Variants in HTR2C observed in about 807,000 individuals in gnomAD.
HTR2C encodes the protein 5-hydroxytryptamine receptor 2C.
In HTR2C, 5 loss-of-function variants were observed where a neutral mutation model predicts 21.0. The observed-to-expected ratio is 0.24, with a 90% CI of 0.12 to 0.50. The LOEUF (loss-of-function observed/expected upper bound fraction) is 0.50. Ranked by LOEUF, HTR2C falls within the 20% of genes least tolerant of loss-of-function variation. HTR2C has a pLI of 0.98. For missense variants in HTR2C, 271 were observed against 371.2 expected (o/e 0.73, Z 2.22); for synonymous variants, 150 against 145.3 (o/e 1.03, Z -0.23).
intron 4 of HTR2C, among the ~76,000 whole-genome samples, chrX:114,739,176 C>A (rs185043296): frequency 4.5e-5 from 5 of 110,975 alleles, no homozygotes; most frequent in African/African-American, 1.6e-4. Flanking sequence ...CTTTGTCAGA[C>A]AGCTGGCATC....
intron 2 of HTR2C, among the ~76,000 whole-genome samples, chrX:114,685,106 TATC>T (rs1462176616): frequency 2.7e-5 from 3 of 111,603 alleles, no homozygotes; most frequent in Admixed American, 9.6e-5. Flanking sequence ...TTCTAAAGGT[TATC>T]ATCATGTTTA....
At chrX:114,641,043 TCTTTCTTTC>T (rs1421648257) in intron 2 of HTR2C, among the ~76,000 whole-genome samples, 1 of 102,399 alleles carries the variant, frequency 9.8e-6, no homozygotes, top group Non-Finnish European at 1.9e-5. Context: ...TTTCTTTCTT[TCTTTCTTTC>T]TTTTTTTCTT....
In HTR2C at chrX:114,861,665, G is replaced by C. The variant is rs782368180; in HGVS notation, c.550+13462G>C. On this transcript the variant is annotated intron_variant, in intron 5 of 5. Coordinates refer to ENST00000276198, the MANE Select transcript of HTR2C (RefSeq NM_000868.4). Reference sequence around the variant, plus strand: ...CATTTGCCAACACAGGTTATATTTTGATTTTTTATAATAGCTATCCTAACT... The same window carrying C: ...CATTTGCCAACACAGGTTATATTTTCATTTTTTATAATAGCTATCCTAACT... Among the ~76,000 whole-genome samples, 4 of 111,065 alleles carry C rather than the reference G, an allele frequency of 3.6e-5. No individual in the cohort carries two copies. The South Asian group carries it at 1.5e-3, about 42-fold the overall frequency.
chrX:114,806,578 TCATATATATCA>T (rs1394141980), intron 4 of HTR2C, among the ~76,000 whole-genome samples: 1 of 94,008 alleles, frequency 1.1e-5, no homozygotes, highest in African/African-American at 3.8e-5. Context: ...ATCATATATA[TCATATATATCA>T]TATATATCAT....
chrX:114,652,988 C>CGTT (rs1482949194), intron 2 of HTR2C, among the ~76,000 whole-genome samples: 2 of 103,762 alleles, frequency 1.9e-5, no homozygotes, highest in African/African-American at 7.0e-5. Flanking sequence ...ATTATTAAAT[C>CGTT]ATTATTATAA....
In HTR2C at chrX:114,849,553, G is replaced by A. The variant is rs370061593; in HGVS notation, c.550+1350G>A. Among the ~76,000 whole-genome samples the A allele has an allele frequency of 2.7e-5, 3 of 111,830 alleles. No individual in the cohort carries two copies. In the East Asian group the frequency reaches 8.5e-4, roughly 32 times the overall value. On this transcript the variant is annotated intron_variant, in intron 5 of 5. Transcript: ENST00000276198. ...AGGTGGAGACGATCATTTCAGACTC[G>A]CAAGCAATGGAGGACTAGAGTAGGA...
At chrX:114,805,623 T>TATAC (rs781932858) in intron 4 of HTR2C, among the ~76,000 whole-genome samples, 2 of 4,580 alleles carry the variant, frequency 4.4e-4, no homozygotes, top group African/African-American at 1.0e-3. Context: ...ATCATATATA[T>TATAC]ACCATATATA....
intron 4 of HTR2C, among the ~76,000 whole-genome samples, chrX:114,826,066 A>T (rs781897485): frequency 1.5e-4 from 13 of 86,160 alleles, no homozygotes; most frequent in African/African-American, 5.5e-4. Flanking sequence ...ATCTGAAATA[A>T]TCCAAAATCA....
chrX:114,716,458 AT>A (rs1932999459), intron 2 of HTR2C, among the ~76,000 whole-genome samples: 1 of 110,482 alleles, frequency 9.1e-6, no homozygotes, highest in Non-Finnish European at 1.9e-5. Context: ...GGAGAAAAAA[AT>A]TTTTTTTTCC....
intron 2 of HTR2C, among the ~76,000 whole-genome samples, chrX:114,645,777 G>C (rs1297960876): frequency 1.8e-5 from 2 of 111,824 alleles, no homozygotes; most frequent in Non-Finnish European, 3.8e-5. Context: ...TATGAAAAAA[G>C]ATAAGATATG....
At chrX:114,814,532 G>A (rs782640500) in intron 4 of HTR2C, among the ~76,000 whole-genome samples, 1 of 108,937 alleles carries the variant, frequency 9.2e-6, no homozygotes, top group East Asian at 2.9e-4. Flanking sequence ...AAGTCAAAAT[G>A]TGACTTCAGT....
At chrX:114,701,791 C>A (rs1385473543) in intron 2 of HTR2C, among the ~76,000 whole-genome samples, 2 of 111,553 alleles carry the variant, frequency 1.8e-5, no homozygotes, top group African/African-American at 6.5e-5. Context: ...CAAACCAAAG[C>A]AAAGAAGTTA....
intron 4 of HTR2C, among the ~76,000 whole-genome samples, chrX:114,815,831 A>C (rs1457856567): frequency 1.8e-5 from 2 of 111,263 alleles, no homozygotes; most frequent in Non-Finnish European, 3.8e-5. Flanking sequence ...AAGATTAAGA[A>C]TTGCCCCTCC....
chrX:114,725,620 C>T (rs1350272918), intron 2 of HTR2C, among the ~76,000 whole-genome samples: 10 of 111,502 alleles, frequency 9.0e-5, no homozygotes, highest in Non-Finnish European at 1.9e-4. Flanking sequence ...AGTTTTTCTA[C>T]TCTGTTTTTT....
intron 2 of HTR2C, among the ~76,000 whole-genome samples, chrX:114,679,276 A>G (rs1931669901): frequency 9.1e-6 from 1 of 110,400 alleles, no homozygotes; most frequent in Non-Finnish European, 1.9e-5. Context: ...TATTTTTTAA[A>G]TTTATTTATT....
At chrX:114,596,461 A>G (rs1240189447) in intron 1 of HTR2C, among the ~76,000 whole-genome samples, 1 of 111,827 alleles carries the variant, frequency 8.9e-6, no homozygotes, top group East Asian at 2.8e-4. Context: ...GATATAGGCT[A>G]TTACCTTATA....
At chrX:114,825,088 AT>A (rs782575976) in intron 4 of HTR2C, among the ~76,000 whole-genome samples, 1 of 111,722 alleles carries the variant, frequency 9.0e-6, no homozygotes, top group Non-Finnish European at 1.9e-5. Context: ...ATTTTATTTC[AT>A]TGAATTCTCA....
intron 4 of HTR2C, among the ~76,000 whole-genome samples, chrX:114,827,215 T>C (rs2070686185): frequency 9.0e-6 from 1 of 111,454 alleles, no homozygotes; most frequent in Admixed American, 9.6e-5. Context: ...CCCTTAAGCA[T>C]TATCTCAGTG....
chrX:114,800,998 A>G (rs1556446659), intron 4 of HTR2C, among the ~76,000 whole-genome samples: 1 of 111,413 alleles, frequency 9.0e-6, no homozygotes, highest in African/African-American at 3.3e-5. Flanking sequence ...GCAGCAGTGA[A>G]AGAACTTAGA....
Sources: gnomAD v4.1 joint callset for allele counts (sites outside exome capture counted in the v4.1 genomes callset) on GRCh38, gnomAD v4.1.1 for gene constraint, MANE v1.5 for transcripts, NCBI Gene and HGNC (gene_info 2026-07-23, HGNC 2026-07-21) for gene names.